PHKB: variants seen among roughly 807,000 people sequenced by gnomAD.
PHKB encodes phosphorylase b kinase regulatory subunit beta.
Under a neutral mutation model 152.1 loss-of-function variants are expected in PHKB, and 122 were observed. The ratio of observed to expected loss-of-function variants is 0.80; its 90% CI spans 0.69 to 0.93. The LOEUF is 0.93. Among genes scored for constraint, PHKB ranks in the 40% least tolerant of loss-of-function variants. The pLI is 0.00. For synonymous variants in PHKB, 436 were observed against 464.9 expected, an observed-to-expected ratio of 0.94 and a Z score of 0.80; for missense variants, 1,304 against 1,328.4, an observed-to-expected ratio of 0.98 and a Z score of 0.29.
chr16:47,662,313 TA>T (rs1973458769), intron 23 of PHKB, among the ~76,000 whole-genome samples: 1 of 152,196 alleles, frequency 6.6e-6, no homozygotes, highest in South Asian at 2.1e-4. Flanking sequence ...GAAAACCAGT[TA>T]TCCCCCAGAT....
Position 47,648,622 on chromosome 16 carries a change from C to A in PHKB, c.1692+6C>A. The stretch of plus-strand genomic sequence containing the variant: ...GCTGCCTCGGGACATCAAAGGTACT[C>A]ATGAAATGTCCTCAAAAAGTAGTTT... On this transcript the variant is annotated splice_donor_region_variant and intron_variant, in intron 17 of 30. Transcript: ENST00000323584. 1 of 1,596,204 alleles carries A rather than the reference C, an allele frequency of 6.3e-7. No individual in the cohort carries two copies. Among genetic ancestry groups the A allele is most frequent in the Non-Finnish European group, 8.6e-7 (1 of 1,163,850 alleles).
chr16:47,665,389 G>A, intron 25 of PHKB: 1 of 219,880 alleles, frequency 4.5e-6, no homozygotes, highest in East Asian at 1.2e-4. Flanking sequence ...TATAAAAATA[G>A]CAGTGTGAAT....
At chr16:47,538,833 T>C (rs1484844652) in intron 6 of PHKB, among the ~76,000 whole-genome samples, 1 of 152,224 alleles carries the variant, frequency 6.6e-6, no homozygotes, top group Non-Finnish European at 1.5e-5. Context: ...TTCTGAAAGT[T>C]TCTGGTCTAC....
At chr16:47,546,028 G>T (rs1463831153) in intron 6 of PHKB, among the ~76,000 whole-genome samples, 1 of 152,062 alleles carries the variant, frequency 6.6e-6, no homozygotes, top group Non-Finnish European at 1.5e-5. Flanking sequence ...CCTTGCAATG[G>T]GTTCTAACAT....
chr16:47,701,471 T>G lies in PHKB; in HGVS notation c.*2105T>G, dbSNP rs1431143817. 6.6e-6 allele frequency: 1 copy of G among 152,208 alleles called. No individual in the cohort carries two copies. The highest frequency in any genetic ancestry group is 6.5e-5 in the Admixed American group (1 of 15,280). 9.4% of individuals were successfully genotyped at this position (152,208 alleles called of 1,614,324 possible). ...GACTTCATGCTTTGAGATTCAAAAT[T>G]TATTGTTCTGAAAGTTATATTTAGA... On this transcript the variant is annotated 3_prime_UTR_variant, in exon 31 of 31. Coordinates refer to ENST00000323584, the MANE Select transcript of PHKB (RefSeq NM_000293.3).
At chr16:47,656,080 G>A (rs1361365053) in intron 20 of PHKB, among the ~76,000 whole-genome samples, 2 of 151,658 alleles carry the variant, frequency 1.3e-5, no homozygotes, top group Admixed American at 6.6e-5. Context: ...GCAGTGGCGC[G>A]ATCTTGGCTC....
chr16:47,683,125 G>T (rs1466533645), intron 26 of PHKB, among the ~76,000 whole-genome samples: 8 of 152,196 alleles, frequency 5.3e-5, no homozygotes, highest in Admixed American at 5.2e-4. Flanking sequence ...TCCTCTGGAA[G>T]TTTTGTCTCA....
At chr16:47,682,623 T>C (rs1481392361) in intron 26 of PHKB, among the ~76,000 whole-genome samples, 1 of 152,238 alleles carries the variant, frequency 6.6e-6, no homozygotes, top group Non-Finnish European at 1.5e-5. Context: ...TCAGGTCCTT[T>C]AAGGACTTCT....
At chr16:47,469,823 C>T (rs1969733628) in intron 1 of PHKB, among the ~76,000 whole-genome samples, 1 of 152,092 alleles carries the variant, frequency 6.6e-6, no homozygotes, top group African/African-American at 2.4e-5. Flanking sequence ...CAAATTGTGT[C>T]TAATGTTTTG....
In PHKB at chr16:47,610,872, T is replaced by C; in HGVS notation, c.1410T>C (p.Tyr470=). The C allele has an allele frequency of 1.2e-6, 2 of 1,609,368 alleles. No individual in the cohort carries two copies. Among genetic ancestry groups the C allele is most frequent in the African/African-American group, 1.3e-5 (1 of 74,984 alleles). ...AAGACATTGATCCTGTCCAGCGCTA[T>C]GTCCCACTAAAGGATCAACGTAACG... The part of the protein sequence containing the change: ...SPKDIDPVQR[Y]VPLKDQRNVS... Residue 470 remains tyrosine, a synonymous_variant, in exon 14 of 31, where the codon TAT becomes TAC. Transcript: ENST00000323584.
intron 4 of PHKB, among the ~76,000 whole-genome samples, chr16:47,510,103 A>C (rs1379762133): frequency 6.6e-6 from 1 of 152,220 alleles, no homozygotes; most frequent in Non-Finnish European, 1.5e-5. Context: ...GAAGGTGCAG[A>C]AGGTCCTGAG....
At chr16:47,590,112 G>A (rs1026535006) in intron 10 of PHKB, among the ~76,000 whole-genome samples, 3 of 151,994 alleles carry the variant, frequency 2.0e-5, no homozygotes, top group African/African-American at 7.3e-5. Context: ...GTATGCATGG[G>A]CATAATTGGC....
rs12596663 is a variant in PHKB at position 47,589,731 on chromosome 16, T to A, written c.1068+629T>A. Among the ~76,000 whole-genome samples, 114 of 152,360 alleles carry A rather than the reference T, an allele frequency of 7.5e-4. No individual in the cohort carries two copies. In the East Asian group the frequency reaches 0.021, roughly 29 times the overall value. The stretch of plus-strand genomic sequence containing the variant: ...AGCACCCCAAAAAAGTAAGAAGTCA[T>A]GCACATTGCTGAAGACTTTGCTTTA... On this transcript the variant is annotated intron_variant, in intron 10 of 30. Transcript: ENST00000323584.
chr16:47,678,254 G>A (rs941311721), intron 26 of PHKB, among the ~76,000 whole-genome samples: 5 of 152,076 alleles, frequency 3.3e-5, no homozygotes, highest in Admixed American at 2.0e-4. Flanking sequence ...CTTTATAGCA[G>A]CATGATTTAT....
chr16:47,535,071 C>T (rs201480217), intron 6 of PHKB, among the ~76,000 whole-genome samples: 1 of 152,200 alleles, frequency 6.6e-6, no homozygotes, highest in Non-Finnish European at 1.5e-5. Context: ...TGAGCAGTTA[C>T]TCACTGCAGG....
chr16:47,558,830 A>G (rs770587961), intron 7 of PHKB, among the ~76,000 whole-genome samples: 14 of 152,236 alleles, frequency 9.2e-5, no homozygotes, highest in Non-Finnish European at 1.9e-4. Flanking sequence ...GATTACAGGC[A>G]TGAGCCACTG....
At chr16:47,681,004 T>G (rs930872608) in intron 26 of PHKB, among the ~76,000 whole-genome samples, 1 of 152,234 alleles carries the variant, frequency 6.6e-6, no homozygotes, top group Admixed American at 6.5e-5. Flanking sequence ...AACATCTGTG[T>G]TTCTGCCTTC....
chr16:47,521,223 G>A (rs1224387759), intron 6 of PHKB, among the ~76,000 whole-genome samples: 1 of 152,110 alleles, frequency 6.6e-6, no homozygotes, highest in Non-Finnish European at 1.5e-5. Flanking sequence ...ATCCAATATG[G>A]ATAGCTTTTA....
intron 1 of PHKB, among the ~76,000 whole-genome samples, chr16:47,489,794 C>T (rs973160955): frequency 6.6e-6 from 1 of 152,170 alleles, no homozygotes; most frequent in African/African-American, 2.4e-5. Flanking sequence ...GGAAGCATAC[C>T]GTTCCAGTGA....
Sources: allele counts gnomAD v4.1 joint callset (sites outside exome capture counted in the v4.1 genomes callset), GRCh38; gene constraint gnomAD v4.1.1; transcripts MANE v1.5; gene names NCBI Gene and HGNC (gene_info 2026-07-23, HGNC 2026-07-21).